The following DNAH11 variants were observed in gnomAD, a reference collection of about 807,000 sequenced individuals.
DNAH11 encodes the protein axonemal beta dynein heavy chain 11.
Under a neutral mutation model 526.0 loss-of-function variants are expected in DNAH11, and 442 were observed. The ratio of observed to expected loss-of-function variants is 0.84; its 90% CI spans 0.78 to 0.91. The LOEUF (loss-of-function observed/expected upper bound fraction) is 0.91, where lower values mean the gene tolerates loss of function less well. Among genes scored for constraint, DNAH11 ranks in the 40% least tolerant of loss-of-function variants. DNAH11 has a pLI of 0.00. For synonymous variants in DNAH11, 2,461 were observed against 1,935.9 expected, an observed-to-expected ratio of 1.27 and a Z score of -7.12; for missense variants, 6,989 against 5,448.7, an observed-to-expected ratio of 1.28 and a Z score of -8.90.
At chr7:21,638,501 T>A (rs1786969623) in intron 27 of DNAH11, among the ~76,000 whole-genome samples, 1 of 152,108 alleles carries the variant, frequency 6.6e-6, no homozygotes, top group Non-Finnish European at 1.5e-5. Context: ...AGGAGGGAAG[T>A]CACTTGTGTT....
intron 54 of DNAH11, among the ~76,000 whole-genome samples, chr7:21,755,470 C>G (rs1786588653): frequency 6.6e-6 from 1 of 151,800 alleles, no homozygotes; most frequent in Non-Finnish European, 1.5e-5. Flanking sequence ...TGATTCCATC[C>G]CAAGATTTTA....
At chr7:21,595,063 T>A (rs1020197092) in intron 14 of DNAH11, among the ~76,000 whole-genome samples, 4 of 152,172 alleles carry the variant, frequency 2.6e-5, no homozygotes, top group Non-Finnish European at 1.5e-5. Flanking sequence ...CAGGCTGATA[T>A]AGCAAAATAC....
chr7:21,734,014 G>A (rs758653477), intron 45 of DNAH11, among the ~76,000 whole-genome samples: 5 of 152,170 alleles, frequency 3.3e-5, no homozygotes, highest in East Asian at 3.9e-4. Flanking sequence ...ACAAGAGTTC[G>A]TCACACTAAA....
rs1785923559 is a variant in DNAH11, at chr7:21,619,195, G to C, written c.4350G>C (p.Lys1450Asn). Residue 1450 changes from lysine to asparagine, a missense_variant, in exon 24 of 82, where the codon AAG (lysine) becomes AAC (asparagine). Physicochemically the swap from Lys to Asn is moderately conservative, Grantham distance 94 (BLOSUM62 0). Coordinates refer to ENST00000409508, the MANE Select transcript of DNAH11 (RefSeq NM_001277115.2). ...VEDDVRRIVD[K>N]AVKELGTEKV... ...ATGATGTCCGAAGGATTGTGGACAA[G>C]GCGGTGAAAGAGCTGGGGACTGAGA... The C allele has an allele frequency of 6.2e-7, 1 of 1,613,214 alleles. No homozygotes were observed. The highest frequency in any genetic ancestry group is 8.5e-7 in the Non-Finnish European group (1 of 1,179,592).
chr7:21,882,126 A>G (rs536867574), intron 75 of DNAH11, among the ~76,000 whole-genome samples: 2 of 152,314 alleles, frequency 1.3e-5, no homozygotes, highest in South Asian at 4.1e-4. Flanking sequence ...GTGAGGCTGC[A>G]ACCGGGAATA....
chr7:21,595,320 T>C (rs1049724313), intron 14 of DNAH11, among the ~76,000 whole-genome samples: 1 of 152,130 alleles, frequency 6.6e-6, no homozygotes, highest in Non-Finnish European at 1.5e-5. Context: ...TACCATCCCC[T>C]TGGGGGTTGG....
chr7:21,868,779 A>G, intron 72 of DNAH11, 85 bp from the exon 73 acceptor site: 1 of 1,541,944 alleles, frequency 6.5e-7, no homozygotes, highest in Non-Finnish European at 8.8e-7. Flanking sequence ...CGGTGACCAC[A>G]GATGTGCATT....
chr7:21,804,372 G>A (rs898354654), intron 62 of DNAH11, among the ~76,000 whole-genome samples: 1 of 152,148 alleles, frequency 6.6e-6, no homozygotes, highest in East Asian at 1.9e-4. Context: ...GCCTCCCAAA[G>A]TGCTGGGATT....
chr7:21,836,960 G>C (rs1446155318), intron 65 of DNAH11, among the ~76,000 whole-genome samples: 1 of 151,998 alleles, frequency 6.6e-6, no homozygotes, highest in Non-Finnish European at 1.5e-5. Flanking sequence ...TTTCTCAGAA[G>C]ACATACAAAT....
intron 73 of DNAH11, among the ~76,000 whole-genome samples, chr7:21,872,469 A>G (rs1339318298): frequency 1.3e-5 from 2 of 152,166 alleles, no homozygotes; most frequent in African/African-American, 2.4e-5. Flanking sequence ...TGTTGGAAAT[A>G]ATTATATATA....
At chr7:21,551,772 T>C (rs1449328844) in intron 2 of DNAH11, among the ~76,000 whole-genome samples, 2 of 152,244 alleles carry the variant, frequency 1.3e-5, no homozygotes, top group Non-Finnish European at 2.9e-5. Flanking sequence ...TTCTATGATA[T>C]CTAAGCAGTT....
intron 30 of DNAH11, among the ~76,000 whole-genome samples, chr7:21,659,813 A>G (rs1021889410): frequency 3.3e-5 from 5 of 152,106 alleles, no homozygotes; most frequent in South Asian, 2.1e-4. Context: ...TTTTACTTCA[A>G]TAACTTGAGA....
At chr7:21,551,666 C>G (rs1696223963) in intron 2 of DNAH11, among the ~76,000 whole-genome samples, 1 of 152,168 alleles carries the variant, frequency 6.6e-6, no homozygotes, top group South Asian at 2.1e-4. Context: ...CATTATGTCT[C>G]TTGCCATCTA....
intron 8 of DNAH11, among the ~76,000 whole-genome samples, chr7:21,579,809 T>G (rs752852613): frequency 6.6e-6 from 1 of 152,136 alleles, no homozygotes; most frequent in Non-Finnish European, 1.5e-5. Context: ...AGTCAGCCAT[T>G]GGAGGATGAA....
chr7:21,635,261 G>A (rs187399527), intron 25 of DNAH11, among the ~76,000 whole-genome samples: 93 of 152,170 alleles, frequency 6.1e-4, no homozygotes, highest in South Asian at 2.7e-3. Context: ...GGTTCACACC[G>A]TTCTCCTGCC....
intron 22 of DNAH11, among the ~76,000 whole-genome samples, chr7:21,617,400 A>G (rs992238784): frequency 1.3e-5 from 2 of 152,194 alleles, no homozygotes; most frequent in African/African-American, 4.8e-5. Context: ...TGTGAATGAG[A>G]AAGCAGTGTA....
At chr7:21,754,521 C>G (rs1400731301) in intron 54 of DNAH11, among the ~76,000 whole-genome samples, 3 of 151,948 alleles carry the variant, frequency 2.0e-5, no homozygotes, top group African/African-American at 7.3e-5. Context: ...TTATTTAACT[C>G]AATACAAGAT....
chr7:21,633,132 C>T (rs1007367604), intron 25 of DNAH11, among the ~76,000 whole-genome samples: 1 of 152,152 alleles, frequency 6.6e-6, no homozygotes, highest in East Asian at 1.9e-4. Context: ...AAGACCTGCC[C>T]CCATGATTCA....
intron 36 of DNAH11, among the ~76,000 whole-genome samples, chr7:21,698,830 C>T (rs776256953): frequency 3.3e-5 from 5 of 152,026 alleles, no homozygotes; most frequent in Non-Finnish European, 5.9e-5. Context: ...GGGCAGATAC[C>T]CAGTAGTGGG....
Sources: allele counts gnomAD v4.1 joint callset (sites outside exome capture counted in the v4.1 genomes callset), GRCh38; gene constraint gnomAD v4.1.1; transcripts MANE v1.5; gene names NCBI Gene and HGNC (gene_info 2026-07-23, HGNC 2026-07-21).